IMMP2L: variants seen among roughly 807,000 people sequenced by gnomAD.
IMMP2L encodes inner mitochondrial membrane peptidase subunit 2, also known as mitochondrial inner membrane protease subunit 2.
Under a neutral mutation model 19.3 loss-of-function variants are expected in IMMP2L, and 18 were observed. That is an observed-to-expected ratio of 0.93 (90% CI 0.64 to 1.38). The LOEUF (loss-of-function observed/expected upper bound fraction) is 1.38. IMMP2L is among the 40% of genes most tolerant of loss of function. The pLI, the probability that IMMP2L is intolerant of heterozygous loss-of-function variation, is 0.00. For missense variants in IMMP2L, 233 were observed against 218.2 expected (o/e 1.07, Z -0.43); for synonymous variants, 76 against 73.0 (o/e 1.04, Z -0.21).
intron 5 of IMMP2L, among the ~76,000 whole-genome samples, chr7:110,878,214 G>A (rs148820501): frequency 6.6e-6 from 1 of 152,262 alleles, no homozygotes; most frequent in East Asian, 1.9e-4. Flanking sequence ...CATGGTGACA[G>A]AGGAAACATT....
At chr7:111,072,676 A>G (rs1795053446) in intron 3 of IMMP2L, among the ~76,000 whole-genome samples, 1 of 152,142 alleles carries the variant, frequency 6.6e-6, no homozygotes, top group Admixed American at 6.5e-5. Context: ...CAGGCGGATC[A>G]CGAGGTCAGG....
chr7:111,505,489 A>C, intron 2 of IMMP2L, among the ~76,000 whole-genome samples: 1 of 152,066 alleles, frequency 6.6e-6, no homozygotes, highest in East Asian at 1.9e-4. Context: ...TACCCAAAGG[A>C]TTGTAAATCA....
rs557234967 is a variant in IMMP2L, at chr7:111,339,687, C to A, written c.239+147551G>T. ...TACAATTGAACATGAAACAAAGATA[C>A]AAAAGCTAGTAATGTTTTCAGTCCT... On this transcript the variant is annotated intron_variant, in intron 3 of 5. Coordinates refer to ENST00000405709, the MANE Select transcript of IMMP2L (RefSeq NM_032549.4). 2.4e-4 allele frequency among the ~76,000 whole-genome samples: 37 copies of A among 152,060 alleles called. 1 individual carries two copies. The highest frequency in any genetic ancestry group is 3.4e-3 in the Middle Eastern group (1 of 292).
At chr7:111,129,325 T>A (rs1801624992) in intron 3 of IMMP2L, among the ~76,000 whole-genome samples, 1 of 152,000 alleles carries the variant, frequency 6.6e-6, no homozygotes, top group East Asian at 1.9e-4. Context: ...TTTTCTTTGA[T>A]CCAACCTTTT....
intron 3 of IMMP2L, among the ~76,000 whole-genome samples, chr7:111,473,638 G>T (rs1841463318): frequency 6.6e-6 from 1 of 152,118 alleles, no homozygotes; most frequent in Non-Finnish European, 1.5e-5. Context: ...AAGAATAACT[G>T]ACAGTTGATA....
At chr7:111,408,885 T>C (rs1265047433) in intron 3 of IMMP2L, among the ~76,000 whole-genome samples, 1 of 151,748 alleles carries the variant, frequency 6.6e-6, no homozygotes, top group Non-Finnish European at 1.5e-5. Context: ...GGAAGGAAGA[T>C]ATGTAACTAA....
chr7:110,921,480 T>G (rs1306661112), intron 4 of IMMP2L, among the ~76,000 whole-genome samples: 2 of 152,214 alleles, frequency 1.3e-5, no homozygotes, highest in Non-Finnish European at 1.5e-5. Context: ...TACCTCATTA[T>G]TCCTCTGCAT....
intron 3 of IMMP2L, among the ~76,000 whole-genome samples, chr7:111,273,874 A>G (rs1818741073): frequency 6.6e-6 from 1 of 152,170 alleles, no homozygotes. Context: ...TACTGAGAGG[A>G]TGCAAATACC....
chr7:111,271,910 T>C (rs554243431), intron 3 of IMMP2L, among the ~76,000 whole-genome samples: 2 of 152,178 alleles, frequency 1.3e-5, no homozygotes, highest in Non-Finnish European at 2.9e-5. Context: ...TTCCTACACA[T>C]GTTTCCAACC....
intron 1 of IMMP2L, among the ~76,000 whole-genome samples, chr7:111,557,995 T>G (rs1189633915): frequency 6.6e-6 from 1 of 151,870 alleles, no homozygotes; most frequent in Non-Finnish European, 1.5e-5. Context: ...CATTACTAAG[T>G]CCTAACCATT....
intron 5 of IMMP2L, among the ~76,000 whole-genome samples, chr7:110,731,829 A>T (rs1460331563): frequency 6.6e-6 from 1 of 152,164 alleles, no homozygotes; most frequent in African/African-American, 2.4e-5. Context: ...AATTATTATA[A>T]TCTATTAATC....
intron 3 of IMMP2L, among the ~76,000 whole-genome samples, chr7:111,229,758 T>C (rs1813523519): frequency 6.6e-6 from 1 of 152,072 alleles, no homozygotes; most frequent in Non-Finnish European, 1.5e-5. Flanking sequence ...ACTTTTCCAT[T>C]TCAGAGGCAA....
chr7:111,297,311 T>G lies in IMMP2L; in HGVS notation c.239+189927A>C, dbSNP rs115370552. ...CTAAAATTACACAAGATGTTATCAC[T>G]GGAGAAAACTGGGTAAAAGAAACAC... On this transcript the variant is annotated intron_variant, in intron 3 of 5. Coordinates refer to ENST00000405709, the MANE Select transcript of IMMP2L (RefSeq NM_032549.4). Among the ~76,000 whole-genome samples, 294 of 152,210 alleles carry G rather than the reference T, an allele frequency of 1.9e-3. 1 individual carries two copies. The highest frequency in any genetic ancestry group is 6.8e-3 in the African/African-American group (284 of 41,574).
intron 3 of IMMP2L, among the ~76,000 whole-genome samples, chr7:111,321,751 A>G (rs1269042212): frequency 1.3e-5 from 2 of 152,016 alleles, no homozygotes; most frequent in African/African-American, 4.8e-5. Flanking sequence ...CTCACTCTTC[A>G]AAGTCCAAAA....
intron 3 of IMMP2L, among the ~76,000 whole-genome samples, chr7:111,368,727 A>G (rs1486947596): frequency 1.3e-5 from 2 of 151,986 alleles, no homozygotes; most frequent in African/African-American, 4.8e-5. Flanking sequence ...ACAAATCTGT[A>G]AAATAAAATA....
chr7:111,080,522 T>A (rs2129576368), intron 3 of IMMP2L, among the ~76,000 whole-genome samples: 1 of 151,606 alleles, frequency 6.6e-6, no homozygotes, highest in South Asian at 2.1e-4. Flanking sequence ...GTGTGTATAA[T>A]ATATATTACA....
At chr7:110,992,595 G>A (rs1585633472) in intron 3 of IMMP2L, among the ~76,000 whole-genome samples, 1 of 151,408 alleles carries the variant, frequency 6.6e-6, no homozygotes, top group East Asian at 1.9e-4. Context: ...CCTTAACTGA[G>A]TTCCTAAATG....
intron 5 of IMMP2L, among the ~76,000 whole-genome samples, chr7:110,682,061 T>C (rs1792760409): frequency 1.3e-5 from 2 of 152,174 alleles, no homozygotes; most frequent in Non-Finnish European, 2.9e-5. Flanking sequence ...TTCATAAATG[T>C]TCCTCTGTTC....
rs1024185808 is a variant in IMMP2L, at chr7:111,213,724, G to A, written c.240-250159C>T. On this transcript the variant is annotated intron_variant, in intron 3 of 5. Transcript: ENST00000405709. The surrounding 1 kb of genome is among the most constrained non-coding windows in gnomAD (Gnocchi z 4.8). Reference sequence around the variant, plus strand: ...TCTGCTGAGAGCTAAAGAGATGACAGTATGACCAGTTGTGGAGAGGAGCTA... The same window carrying A: ...TCTGCTGAGAGCTAAAGAGATGACAATATGACCAGTTGTGGAGAGGAGCTA... Among the ~76,000 whole-genome samples the A allele has an allele frequency of 6.6e-6, 1 of 152,156 alleles. No individual in the cohort carries two copies. Among genetic ancestry groups the A allele is most frequent in the Non-Finnish European group, 1.5e-5 (1 of 68,034 alleles).
Sources: allele counts gnomAD v4.1 joint callset (sites outside exome capture counted in the v4.1 genomes callset), GRCh38; gene constraint gnomAD v4.1.1; non-coding constraint Gnocchi (gnomAD v3.1); transcripts MANE v1.5; gene names NCBI Gene and HGNC (gene_info 2026-07-23, HGNC 2026-07-21).